The following DMRT1 variants were observed in gnomAD, a reference collection of about 807,000 sequenced individuals.
DMRT1 encodes doublesex and mab-3 related transcription factor 1, also known as doublesex- and mab-3-related transcription factor 1.
A neutral mutation model predicts 32.3 loss-of-function variants in DMRT1; 7 were observed. That is an observed-to-expected ratio of 0.22 (90% CI 0.12 to 0.41). The LOEUF is 0.41. Ranked by LOEUF, DMRT1 falls within the 10% of genes least tolerant of loss-of-function variation. The pLI, the probability that DMRT1 is intolerant of heterozygous loss-of-function variation, is 1.00. For missense variants in DMRT1, 625 were observed against 500.5 expected (o/e 1.25, Z -2.37); for synonymous variants, 278 against 206.1 (o/e 1.35, Z -2.99).
At chr9:846,822 T>C in intron 1 of DMRT1, 138 bp from the exon 2 acceptor site, 1 of 1,089,722 alleles carries the variant, frequency 9.2e-7, no homozygotes. Context: ...CCTGGGTGGG[T>C]TTAAGAAGAA....
intron 2 of DMRT1, among the ~76,000 whole-genome samples, chr9:850,014 C>G (rs933117554): frequency 6.6e-6 from 1 of 152,136 alleles, no homozygotes; most frequent in East Asian, 1.9e-4. Flanking sequence ...GACGGGGTTT[C>G]CTCCATGTTG....
At chr9:871,462 A>G (rs2132608167) in intron 2 of DMRT1, among the ~76,000 whole-genome samples, 1 of 147,748 alleles carries the variant, frequency 6.8e-6, no homozygotes, top group East Asian at 2.0e-4. Context: ...CCTCCAGAGT[A>G]GCTGGGACTA....
At chr9:941,872 G>C (rs1180263086) in intron 4 of DMRT1, among the ~76,000 whole-genome samples, 1 of 152,100 alleles carries the variant, frequency 6.6e-6, no homozygotes, top group Non-Finnish European at 1.5e-5. Context: ...TATATTCCTG[G>C]AATAAATCTT....
rs1447906173 is a variant in DMRT1, at chr9:965,159, G to T, written c.968-2826G>T. The stretch of plus-strand genomic sequence containing the variant: ...GTAGTAAAAGTGATTTTGGACATTA[G>T]TCACTAAGGAAAAACACACTAAATC... On this transcript the variant is annotated intron_variant, in intron 4 of 4. Transcript: ENST00000382276. This position sits in a 1 kb window ranked among gnomAD's most constrained non-coding sequence, Gnocchi z 4.5. Among the ~76,000 whole-genome samples, 3 of 152,204 alleles carry T rather than the reference G, an allele frequency of 2.0e-5. No homozygotes were observed. Among genetic ancestry groups the T allele is most frequent in the African/African-American group, 4.8e-5 (2 of 41,460 alleles).
chr9:909,790 G>A (rs371412384), intron 3 of DMRT1, among the ~76,000 whole-genome samples: 1 of 152,080 alleles, frequency 6.6e-6, no homozygotes, highest in East Asian at 1.9e-4. Context: ...ATAGCTTACT[G>A]CAGCCTTGAC....
intron 4 of DMRT1, among the ~76,000 whole-genome samples, chr9:948,695 C>G (rs1205808224): frequency 6.6e-6 from 1 of 152,064 alleles, no homozygotes; most frequent in Non-Finnish European, 1.5e-5. Context: ...AGGCAGCAAA[C>G]AGTTGAGTGG....
At chr9:849,628 C>T (rs1839052612) in intron 2 of DMRT1, among the ~76,000 whole-genome samples, 1 of 152,144 alleles carries the variant, frequency 6.6e-6, no homozygotes, top group South Asian at 2.1e-4. Flanking sequence ...GGTTCAGGGT[C>T]AAGGAGGATT....
At chr9:847,498 C>G (rs1391812683) in intron 2 of DMRT1, among the ~76,000 whole-genome samples, 1 of 152,226 alleles carries the variant, frequency 6.6e-6, no homozygotes, top group African/African-American at 2.4e-5. Flanking sequence ...TAGAAGTCCA[C>G]TTCTCCACTG....
chr9:847,547 A>C (rs2146532), intron 2 of DMRT1, among the ~76,000 whole-genome samples: 2 of 152,010 alleles, frequency 1.3e-5, no homozygotes, highest in Admixed American at 1.3e-4. Context: ...GCCAAATCCT[A>C]GTGTCAAATT....
At chr9:957,608 G>A (rs969858181) in intron 4 of DMRT1, among the ~76,000 whole-genome samples, 2 of 152,192 alleles carry the variant, frequency 1.3e-5, no homozygotes, top group African/African-American at 4.8e-5. Context: ...GAGTAGGCAT[G>A]TATTCTCCTG....
At chr9:842,525 C>T (rs1167170585) in intron 1 of DMRT1, among the ~76,000 whole-genome samples, 3 of 152,234 alleles carry the variant, frequency 2.0e-5, no homozygotes, top group Non-Finnish European at 2.9e-5. Flanking sequence ...CGTGGGCCAC[C>T]GCTCCCGGCG....
chr9:873,456 C>A (rs1816361985), intron 2 of DMRT1, among the ~76,000 whole-genome samples: 1 of 151,906 alleles, frequency 6.6e-6, no homozygotes, highest in African/African-American at 2.4e-5. Context: ...CAGGTGCCTG[C>A]CACCACGCCC....
intron 3 of DMRT1, among the ~76,000 whole-genome samples, chr9:900,701 T>C (rs1313309279): frequency 6.6e-6 from 1 of 151,810 alleles, no homozygotes; most frequent in Non-Finnish European, 1.5e-5. Context: ...TTTTTTTTTT[T>C]GGAGACAGCG....
chr9:858,616 G>A (rs906026468), intron 2 of DMRT1, among the ~76,000 whole-genome samples: 1 of 152,094 alleles, frequency 6.6e-6, no homozygotes. Context: ...GCTCACGCCT[G>A]TAATCCCAGC....
At chr9:869,172 G>A (rs1033605602) in intron 2 of DMRT1, among the ~76,000 whole-genome samples, 5 of 152,174 alleles carry the variant, frequency 3.3e-5, no homozygotes, top group Non-Finnish European at 5.9e-5. Flanking sequence ...ATCCGGGGGC[G>A]GAACAGAAAG....
At chr9:910,243 A>G (rs1030669359) in intron 3 of DMRT1, among the ~76,000 whole-genome samples, 1 of 152,112 alleles carries the variant, frequency 6.6e-6, no homozygotes, top group Non-Finnish European at 1.5e-5. Flanking sequence ...CTTTTAATAA[A>G]TGTGAGCACA....
intron 4 of DMRT1, among the ~76,000 whole-genome samples, chr9:919,183 T>C (rs1038258751): frequency 6.6e-6 from 1 of 152,220 alleles, no homozygotes; most frequent in African/African-American, 2.4e-5. Flanking sequence ...TAAGTTATTA[T>C]TTATTCTAAA....
chr9:870,842 G>C (rs534114125), intron 2 of DMRT1, among the ~76,000 whole-genome samples: 31 of 151,268 alleles, frequency 2.0e-4, no homozygotes, highest in African/African-American at 7.5e-4. Context: ...CTCCCGAGTA[G>C]CTGGAACTAC....
chr9:896,044 T>C (rs1332499423), intron 3 of DMRT1, among the ~76,000 whole-genome samples: 1 of 151,826 alleles, frequency 6.6e-6, no homozygotes, highest in Non-Finnish European at 1.5e-5. Flanking sequence ...CCCTTGTGAT[T>C]GGCCCACCTC....
Sources: gnomAD v4.1 joint callset for allele counts (sites outside exome capture counted in the v4.1 genomes callset) on GRCh38, gnomAD v4.1.1 for gene constraint, Gnocchi (gnomAD v3.1) non-coding constraint, MANE v1.5 for transcripts, NCBI Gene and HGNC (gene_info 2026-07-23, HGNC 2026-07-21) for gene names.